The following CFAP20DC variants were observed in gnomAD, a reference collection of about 807,000 sequenced individuals.
The protein encoded by CFAP20DC is CFAP20 domain containing, also known as protein CFAP20DC.
Under a neutral mutation model 101.7 loss-of-function variants are expected in CFAP20DC, and 84 were observed. The observed-to-expected ratio is 0.83, with a 90% CI of 0.69 to 0.99. CFAP20DC has a LOEUF of 0.99. Ranked by LOEUF, CFAP20DC falls within the 50% of genes least tolerant of loss-of-function variation. The pLI, the probability that CFAP20DC is intolerant of heterozygous loss-of-function variation, is 0.00. For missense variants in CFAP20DC, 1,007 were observed against 970.3 expected, an observed-to-expected ratio of 1.04 and a Z score of -0.50; for synonymous variants, 359 against 351.2, an observed-to-expected ratio of 1.02 and a Z score of -0.25.
chr3:58,737,080 A>C (rs1225158252), downstream of CFAP20DC: 2 of 412,990 alleles, frequency 4.8e-6, no homozygotes, highest in African/African-American at 4.2e-5. The surrounding 1 kb of genome is among the most constrained non-coding windows in gnomAD (Gnocchi z 4.1). Context: ...AGTTTGTATA[A>C]TTTAAAATAT....
intron 12 of CFAP20DC, among the ~76,000 whole-genome samples, chr3:58,854,841 T>C (rs1166538313): frequency 1.4e-5 from 2 of 145,410 alleles, no homozygotes; most frequent in African/African-American, 5.2e-5. Context: ...CAATTCAAGA[T>C]GGATTAAAGA....
intron 6 of CFAP20DC, among the ~76,000 whole-genome samples, chr3:58,900,881 A>C (rs997182625): frequency 4.6e-5 from 7 of 152,230 alleles, no homozygotes; most frequent in African/African-American, 4.8e-5. Flanking sequence ...AGAGGATCTT[A>C]ACTAGCTGTA....
Position 58,721,642 on chromosome 3 carries a change from T to C in CFAP20DC, c.198-4014A>G, listed in dbSNP as rs1293020254. Among the ~76,000 whole-genome samples the C allele has an allele frequency of 1.3e-5, 2 of 152,150 alleles. No individual in the cohort carries two copies. Among genetic ancestry groups the C allele is most frequent in the African/African-American group, 4.8e-5 (2 of 41,436 alleles). ...AGTGTGGCTGGGGAGAGAAGAGCCA[T>C]GTGGTCCAGACAAATCTGGAGGGAG... On this transcript the variant is annotated intron_variant, in intron 3 of 3. Coordinates refer to the CFAP20DC transcript ENST00000486145. This position sits in a 1 kb window ranked among gnomAD's most constrained non-coding sequence, Gnocchi z 5.2.
intron 15 of CFAP20DC, among the ~76,000 whole-genome samples, chr3:58,782,505 A>C (rs1347934260): frequency 6.6e-6 from 1 of 152,046 alleles, no homozygotes. Flanking sequence ...CCTGTTTGCT[A>C]ATGATATAAT....
At chr3:58,803,124 C>G (rs188811818) in intron 15 of CFAP20DC, among the ~76,000 whole-genome samples, 88 of 152,308 alleles carry the variant, frequency 5.8e-4, no homozygotes, top group African/African-American at 2.0e-3. Flanking sequence ...TCTTCGGTCT[C>G]TGGAATAGTT....
intron 15 of CFAP20DC, among the ~76,000 whole-genome samples, chr3:58,768,096 A>T (rs71311889): frequency 6.6e-6 from 1 of 152,142 alleles, no homozygotes; most frequent in Non-Finnish European, 1.5e-5. Flanking sequence ...TTCTCCTTGG[A>T]ATAGCCACCT....
intron 4 of CFAP20DC, among the ~76,000 whole-genome samples, chr3:59,034,037 G>A (rs2094047343): frequency 6.6e-6 from 1 of 152,146 alleles, no homozygotes; most frequent in African/African-American, 2.4e-5. Flanking sequence ...GAGAATGGGG[G>A]CCAATATTCA....
intron 15 of CFAP20DC, among the ~76,000 whole-genome samples, chr3:58,777,566 T>C (rs2071447000): frequency 1.3e-5 from 2 of 152,238 alleles, no homozygotes; most frequent in South Asian, 2.1e-4. Context: ...CTATGGAATA[T>C]ATTTTCCCAA....
chr3:58,818,433 A>G (rs1022392151), intron 14 of CFAP20DC, among the ~76,000 whole-genome samples: 21 of 151,020 alleles, frequency 1.4e-4, no homozygotes, highest in Admixed American at 1.4e-3. Context: ...TCAAAATAAA[A>G]GGATGGAGGA....
At chr3:58,817,067 G>A (rs2075239640) in intron 14 of CFAP20DC, among the ~76,000 whole-genome samples, 2 of 152,066 alleles carry the variant, frequency 1.3e-5, no homozygotes. Flanking sequence ...CAACAGACCT[G>A]CAGCTGAGGG....
intron 4 of CFAP20DC, among the ~76,000 whole-genome samples, chr3:58,999,843 T>TAAAAAAA (rs565894929): frequency 2.6e-5 from 2 of 76,794 alleles, no homozygotes; most frequent in South Asian, 3.9e-4. Flanking sequence ...GTCACTAATG[T>TAAAAAAA]AAAAAAAAAA....
At chr3:58,980,945 A>G (rs2092512426) in intron 4 of CFAP20DC, among the ~76,000 whole-genome samples, 1 of 152,218 alleles carries the variant, frequency 6.6e-6, no homozygotes, top group Non-Finnish European at 1.5e-5. Flanking sequence ...ATGATTGTAT[A>G]TCTAGAAAAC....
In CFAP20DC at chr3:58,831,679, G is replaced by C; in HGVS notation, c.2175+7C>G. ...AATGAGAGGAAGCTGCAAAGCCAGG[G>C]ACTCACGGGTGGCAGGCAGGAGTTC... On this transcript the variant is annotated splice_region_variant and intron_variant, in intron 14 of 16. Transcript: ENST00000482387. The C allele has an allele frequency of 6.2e-7, 1 of 1,612,620 alleles. No individual in the cohort carries two copies. The highest frequency in any genetic ancestry group is 8.5e-7 in the Non-Finnish European group (1 of 1,179,034).
intron 11 of CFAP20DC, among the ~76,000 whole-genome samples, chr3:58,865,938 TG>T (rs1559731968): frequency 6.6e-6 from 1 of 152,208 alleles, no homozygotes; most frequent in Non-Finnish European, 1.5e-5. Flanking sequence ...ATGAATAATT[TG>T]GTGTGTTTTC....
chr3:58,979,908 T>C (rs544804193), intron 4 of CFAP20DC, among the ~76,000 whole-genome samples: 2 of 151,762 alleles, frequency 1.3e-5, no homozygotes, highest in African/African-American at 4.8e-5. Context: ...GGACAGCAAA[T>C]AGGTTTCGTC....
chr3:58,877,093 TA>T (rs1222339991), intron 7 of CFAP20DC, among the ~76,000 whole-genome samples: 1 of 152,208 alleles, frequency 6.6e-6, no homozygotes, highest in Non-Finnish European at 1.5e-5. Context: ...GGAGTAATGC[TA>T]TTAATACCTA....
chr3:58,863,729 TG>T lies in CFAP20DC; in HGVS notation c.1421del (p.Pro474GlnfsTer33). 6.2e-7 allele frequency: 1 copy of T among 1,614,214 alleles called. No individual in the cohort carries two copies. Among genetic ancestry groups the T allele is most frequent in the Non-Finnish European group, 8.5e-7 (1 of 1,180,042 alleles). On this transcript the variant is annotated frameshift_variant, in exon 12 of 17. Transcript: ENST00000482387. LOFTEE classifies it high-confidence loss of function. This position sits in a 1 kb window ranked among gnomAD's most constrained non-coding sequence, Gnocchi z 5.9. ...TTGATGAAAAAGTGAAAATGTCCTT[TG>T]GAACACTCTGGGATTCCTCTGCCTG... is the stretch of plus-strand genomic sequence containing the variant. Reference protein sequence around the residue: ...DQQAEESQSVPKDIFTFSSRP... With the variant: ...DQQAEESQSVXKDIFTFSSRP...
intron 4 of CFAP20DC, among the ~76,000 whole-genome samples, chr3:58,948,085 G>A (rs903681723): frequency 2.0e-5 from 3 of 152,214 alleles, no homozygotes; most frequent in Non-Finnish European, 4.4e-5. Context: ...GCTCTAGGGT[G>A]CACTTGCACT....
intron 4 of CFAP20DC, among the ~76,000 whole-genome samples, chr3:59,030,207 G>T (rs2093963838): frequency 6.6e-6 from 1 of 152,188 alleles, no homozygotes; most frequent in Non-Finnish European, 1.5e-5. Context: ...ATTTAAAATA[G>T]CCTAGAGCTA....
Sources: gnomAD v4.1 joint callset for allele counts (sites outside exome capture counted in the v4.1 genomes callset) on GRCh38, gnomAD v4.1.1 for gene constraint, Gnocchi (gnomAD v3.1) non-coding constraint, MANE v1.5 for transcripts, NCBI Gene and HGNC (gene_info 2026-07-23, HGNC 2026-07-21) for gene names.